The following DCLK1 variants were observed in gnomAD, a reference collection of about 807,000 sequenced individuals.
The protein encoded by DCLK1 is serine/threonine-protein kinase DCLK1.
Under a neutral mutation model 86.2 loss-of-function variants are expected in DCLK1, and 16 were observed. The observed-to-expected ratio is 0.19, with a 90% CI of 0.13 to 0.28. The LOEUF is 0.28. DCLK1 is among the 10% of genes least tolerant of loss of function. DCLK1 has a pLI of 1.00. For missense variants in DCLK1, 590 were observed against 940.2 expected (o/e 0.63, Z 4.87); for synonymous variants, 369 against 370.5 (o/e 1.00, Z 0.05).
intron 3 of DCLK1, 80 bp from the exon 4 acceptor site, chr13:35,947,537 C>T (rs1191901852): frequency 3.5e-6 from 4 of 1,138,764 alleles, no homozygotes; most frequent in Non-Finnish European, 5.1e-6. Context: ...CAGACATCTG[C>T]ATAAAGCCCC....
intron 8 of DCLK1, among the ~76,000 whole-genome samples, chr13:35,829,842 C>T (rs1462952794): frequency 6.6e-6 from 1 of 152,180 alleles, no homozygotes; most frequent in African/African-American, 2.4e-5. Context: ...CAGAGGAATT[C>T]CCATAGCTGT....
At chr13:36,035,254 T>C (rs917495310) in intron 3 of DCLK1, among the ~76,000 whole-genome samples, 4 of 152,180 alleles carry the variant, frequency 2.6e-5, no homozygotes, top group African/African-American at 7.2e-5. Context: ...CTTTTCTTTC[T>C]ATAGCATCTG....
At chr13:35,795,020 C>G (rs901273898) in intron 15 of DCLK1, among the ~76,000 whole-genome samples, 1 of 152,158 alleles carries the variant, frequency 6.6e-6, no homozygotes, top group East Asian at 1.9e-4. Flanking sequence ...TATGTAAAAT[C>G]ATGAAACAGG....
chr13:35,990,898 C>A (rs1880191226), intron 3 of DCLK1, among the ~76,000 whole-genome samples: 1 of 152,086 alleles, frequency 6.6e-6, no homozygotes, highest in East Asian at 1.9e-4. Context: ...CTGGAGAATA[C>A]AAAACTGACC....
rs562710646 is a variant in DCLK1 at position 36,049,973 on chromosome 13, T to C, written c.723+61896A>G. Among the ~76,000 whole-genome samples, 6 of 152,262 alleles carry C rather than the reference T, an allele frequency of 3.9e-5. No individual in the cohort carries two copies. In the South Asian group the frequency reaches 1.2e-3, roughly 32 times the overall value. On this transcript the variant is annotated intron_variant, in intron 3 of 16. Coordinates refer to ENST00000360631, the MANE Select transcript of DCLK1 (RefSeq NM_001330071.2). ...GATTTGTAATGACTGCTGATTTCCC[T>C]GGTATAAATGCTCCCTCCATGACAT...
At chr13:36,043,194 G>A (rs2153155599) in intron 3 of DCLK1, among the ~76,000 whole-genome samples, 1 of 152,048 alleles carries the variant, frequency 6.6e-6, no homozygotes, top group Admixed American at 6.6e-5. Context: ...GGTAAATTTG[G>A]GAAAGTGTAA....
rs538041708 is a variant in DCLK1 at position 35,851,201 on chromosome 13, G to A, written c.1035+3298C>T. On this transcript the variant is annotated intron_variant, in intron 6 of 16. Transcript: ENST00000360631. The stretch of plus-strand genomic sequence containing the variant: ...GCGTTCAGCAAATTCTGGTCCCAGA[G>A]CAGCAACTCAAATGTTGTAGTTGCA... 8.5e-5 allele frequency among the ~76,000 whole-genome samples: 13 copies of A among 152,288 alleles called. No homozygotes were observed. In the South Asian group the frequency reaches 2.7e-3, roughly 32 times the overall value.
At chr13:36,020,678 T>C (rs989476393) in intron 3 of DCLK1, among the ~76,000 whole-genome samples, 1 of 152,172 alleles carries the variant, frequency 6.6e-6, no homozygotes, top group African/African-American at 2.4e-5. Context: ...ATCTGACTTC[T>C]TGTTGGAAAC....
chr13:35,862,377 G>A (rs1015735802), intron 5 of DCLK1, among the ~76,000 whole-genome samples: 10 of 152,000 alleles, frequency 6.6e-5, no homozygotes, highest in Non-Finnish European at 1.3e-4. Context: ...TAAATTTCTG[G>A]TTTCATTTCC....
intron 3 of DCLK1, among the ~76,000 whole-genome samples, chr13:36,077,438 T>G (rs1047811264): frequency 6.6e-6 from 1 of 152,142 alleles, no homozygotes; most frequent in South Asian, 2.1e-4. Flanking sequence ...CAGAGGCAGT[T>G]TGGCAATTTT....
chr13:36,027,818 C>T (rs898790786), intron 3 of DCLK1, among the ~76,000 whole-genome samples: 20 of 152,158 alleles, frequency 1.3e-4, no homozygotes, highest in African/African-American at 1.9e-4. Flanking sequence ...CTGTAACCTC[C>T]GCCTCCCATG....
chr13:35,820,724 T>C (rs915255043), intron 11 of DCLK1, among the ~76,000 whole-genome samples: 7 of 152,062 alleles, frequency 4.6e-5, no homozygotes, highest in Non-Finnish European at 8.8e-5. Context: ...ACAGGAAAAA[T>C]GAGTGCAGAT....
chr13:35,910,706 A>G (rs1874967279), intron 4 of DCLK1, among the ~76,000 whole-genome samples: 1 of 152,210 alleles, frequency 6.6e-6, no homozygotes, highest in Non-Finnish European at 1.5e-5. Flanking sequence ...TGGCAACAGA[A>G]CATACAATGA....
chr13:35,898,047 T>G (rs971155988), intron 4 of DCLK1, among the ~76,000 whole-genome samples: 1 of 152,200 alleles, frequency 6.6e-6, no homozygotes, highest in South Asian at 2.1e-4. Context: ...TGATCTAAAA[T>G]AGCAGAGGGC....
chr13:35,843,299 T>C (rs4943343), intron 6 of DCLK1, among the ~76,000 whole-genome samples: 143,225 of 152,170 alleles, frequency 0.94, 67,444 homozygotes, highest in African/African-American at 0.96. Flanking sequence ...TTTGAAATGT[T>C]ATCACCCCCA....
At chr13:36,065,000 A>C (rs1883697198) in intron 3 of DCLK1, among the ~76,000 whole-genome samples, 1 of 152,224 alleles carries the variant, frequency 6.6e-6, no homozygotes, top group African/African-American at 2.4e-5. Flanking sequence ...TTCTGTAAAA[A>C]AATGCTTTCT....
At chr13:36,115,277 G>C (rs1402566759) in intron 2 of DCLK1, among the ~76,000 whole-genome samples, 1 of 152,106 alleles carries the variant, frequency 6.6e-6, no homozygotes, top group African/African-American at 2.4e-5. Flanking sequence ...ACACCCCGAA[G>C]TCTTTTGGTA....
intron 3 of DCLK1, among the ~76,000 whole-genome samples, chr13:36,040,368 GGAATACCCTGCAAATCTCT>G (rs1438732728): frequency 7.6e-6 from 1 of 131,036 alleles, no homozygotes; most frequent in Non-Finnish European, 1.6e-5. Flanking sequence ...TTCCTCCATA[GGAATACCCTGCAAATCTCT>G]GAGTAGTATC....
At chr13:35,982,433 G>GA (rs1566631727) in intron 3 of DCLK1, among the ~76,000 whole-genome samples, 660 of 21,658 alleles carry the variant, frequency 0.03, 41 homozygotes, top group Non-Finnish European at 0.044. Flanking sequence ...AGAGAGAGAG[G>GA]GGGAGGGAGG....
Sources: allele counts gnomAD v4.1 joint callset (sites outside exome capture counted in the v4.1 genomes callset), GRCh38; gene constraint gnomAD v4.1.1; transcripts MANE v1.5; gene names NCBI Gene and HGNC (gene_info 2026-07-23, HGNC 2026-07-21).